The following KHDRBS2 variants were observed in gnomAD, a reference collection of about 807,000 sequenced individuals.
KHDRBS2 encodes KH domain-containing, RNA-binding, signal transduction-associated protein 2.
In KHDRBS2, 26 loss-of-function variants were observed where a neutral mutation model predicts 44.3. The ratio of observed to expected loss-of-function variants is 0.59; its 90% CI spans 0.43 to 0.81. The LOEUF (loss-of-function observed/expected upper bound fraction) is 0.81. KHDRBS2 is among the 40% of genes least tolerant of loss of function. KHDRBS2 has a pLI of 0.00. For synonymous variants in KHDRBS2, 194 were observed against 151.1 expected (o/e 1.28, Z -2.08); for missense variants, 476 against 433.1 (o/e 1.10, Z -0.88).
chr6:61,965,058 C>T (rs1769604464), intron 4 of KHDRBS2, among the ~76,000 whole-genome samples: 1 of 152,020 alleles, frequency 6.6e-6, no homozygotes, highest in Admixed American at 6.6e-5. Context: ...AAACGAAGTT[C>T]TGTTGCTTTT....
the KHDRBS2 span, among the ~76,000 whole-genome samples, chr6:61,650,774 A>C: frequency 1.3e-5 from 2 of 152,108 alleles, no homozygotes; most frequent in Non-Finnish European, 2.9e-5. Context: ...AATTTTGTAG[A>C]CCAAAGAAGA....
intron 2 of KHDRBS2, among the ~76,000 whole-genome samples, chr6:62,149,657 A>AACTGATAT (rs1305795107): frequency 8.1e-6 from 1 of 122,804 alleles, no homozygotes; most frequent in Non-Finnish European, 2.0e-5. Context: ...TATGAGAATT[A>AACTGATAT]ACTGATATAA....
chr6:61,944,106 G>A (rs1296067402), intron 4 of KHDRBS2, among the ~76,000 whole-genome samples: 1 of 152,136 alleles, frequency 6.6e-6, no homozygotes, highest in Non-Finnish European at 1.5e-5. Flanking sequence ...AAACACTGTG[G>A]AGATTTCTCA....
chr6:61,718,062 A>G (rs1438289162), intron 7 of KHDRBS2, among the ~76,000 whole-genome samples: 2 of 152,048 alleles, frequency 1.3e-5, no homozygotes, highest in African/African-American at 4.8e-5. Flanking sequence ...TAAAATGAGG[A>G]AAAAAATACC....
At chr6:62,178,109 A>G (rs540234176) in intron 1 of KHDRBS2, among the ~76,000 whole-genome samples, 58 of 151,640 alleles carry the variant, frequency 3.8e-4, no homozygotes, top group Admixed American at 2.7e-3. Context: ...GCACACATAC[A>G]GTTATGGCTG....
intron 6 of KHDRBS2, among the ~76,000 whole-genome samples, chr6:61,792,687 A>G (rs1355665393): frequency 6.6e-6 from 1 of 151,862 alleles, no homozygotes; most frequent in Non-Finnish European, 1.5e-5. Flanking sequence ...ACACCAAAAA[A>G]ACTTTCAAGC....
intron 4 of KHDRBS2, among the ~76,000 whole-genome samples, chr6:61,958,264 C>T (rs936377115): frequency 6.6e-6 from 1 of 152,122 alleles, no homozygotes; most frequent in Non-Finnish European, 1.5e-5. Flanking sequence ...TCTTTGCAGT[C>T]CAGTTAGTAC....
At chr6:62,282,507 A>T (rs1841940224) in intron 1 of KHDRBS2, among the ~76,000 whole-genome samples, 1 of 152,104 alleles carries the variant, frequency 6.6e-6, no homozygotes, top group Non-Finnish European at 1.5e-5. Context: ...AGGAGTATGG[A>T]ATCACCATAA....
chr6:61,875,024 C>A (rs1367325590), intron 6 of KHDRBS2, among the ~76,000 whole-genome samples: 1 of 152,052 alleles, frequency 6.6e-6, no homozygotes, highest in East Asian at 1.9e-4. Context: ...AAGAGACAGG[C>A]AAGTATGTAA....
chr6:61,772,540 C>G (rs1582742108), intron 6 of KHDRBS2, among the ~76,000 whole-genome samples: 1 of 152,150 alleles, frequency 6.6e-6, no homozygotes, highest in Non-Finnish European at 1.5e-5. Flanking sequence ...AACACTTATA[C>G]ACAAATAAAC....
At chr6:61,578,718 A>G in the KHDRBS2 span, among the ~76,000 whole-genome samples, 1 of 152,198 alleles carries the variant, frequency 6.6e-6, no homozygotes. Flanking sequence ...TGTCGGTAGT[A>G]AAGCGATTAT....
intron 6 of KHDRBS2, among the ~76,000 whole-genome samples, chr6:61,889,577 C>G (rs1292306796): frequency 1.3e-5 from 2 of 150,520 alleles, no homozygotes; most frequent in Admixed American, 6.6e-5. Context: ...CTCCTCTCAT[C>G]CCCTCCATCA....
chr6:61,568,259 G>C, the KHDRBS2 span, among the ~76,000 whole-genome samples: 4 of 152,130 alleles, frequency 2.6e-5, no homozygotes, highest in African/African-American at 9.7e-5. Context: ...ATGATAATTT[G>C]AAGACAAGTA....
intron 6 of KHDRBS2, among the ~76,000 whole-genome samples, chr6:61,857,591 A>AAAAAATAAT (rs11273549): frequency 2.5e-4 from 7 of 27,994 alleles, no homozygotes; most frequent in African/African-American, 9.1e-4. Flanking sequence ...CTTCATATTT[A>AAAAAATAAT]TTTTTCATAA....
chr6:61,860,262 T>C (rs1489049739), intron 6 of KHDRBS2, among the ~76,000 whole-genome samples: 1 of 151,978 alleles, frequency 6.6e-6, no homozygotes, highest in African/African-American at 2.4e-5. Context: ...TCATGGTTAA[T>C]GTCTTTTTTT....
At chr6:62,177,732 T>C (rs1821432749) in intron 1 of KHDRBS2, among the ~76,000 whole-genome samples, 1 of 151,362 alleles carries the variant, frequency 6.6e-6, no homozygotes, top group Non-Finnish European at 1.5e-5. Context: ...GAATTATTCC[T>C]AAGAAAATAA....
chr6:62,138,748 G>C (rs1422715061), intron 2 of KHDRBS2, among the ~76,000 whole-genome samples: 1 of 152,108 alleles, frequency 6.6e-6, no homozygotes, highest in Non-Finnish European at 1.5e-5. Flanking sequence ...GACTTATATA[G>C]ATTAATCCTC....
At chr6:61,639,795 G>T in the KHDRBS2 span, among the ~76,000 whole-genome samples, 1 of 152,036 alleles carries the variant, frequency 6.6e-6, no homozygotes, top group Non-Finnish European at 1.5e-5. Context: ...AGTTATGATA[G>T]TTATGATATT....
At chr6:62,069,004 G>C (rs1724715453) in intron 2 of KHDRBS2, among the ~76,000 whole-genome samples, 1 of 151,374 alleles carries the variant, frequency 6.6e-6, no homozygotes, top group Non-Finnish European at 1.5e-5. Context: ...TTCATGATTG[G>C]CTTGTAAATT....
Sources: gnomAD v4.1 joint callset for allele counts (sites outside exome capture counted in the v4.1 genomes callset) on GRCh38, gnomAD v4.1.1 for gene constraint, MANE v1.5 for transcripts, NCBI Gene and HGNC (gene_info 2026-07-23, HGNC 2026-07-21) for gene names.